ATG5: variants seen among roughly 807,000 people sequenced by gnomAD.
ATG5 encodes the protein autophagy protein 5.
Under a neutral mutation model 36.5 loss-of-function variants are expected in ATG5, and 14 were observed. That is an observed-to-expected ratio of 0.38 (90% CI 0.25 to 0.60). The LOEUF (loss-of-function observed/expected upper bound fraction) is 0.60. ATG5 is among the 20% of genes least tolerant of loss of function. The pLI, the probability that ATG5 is intolerant of heterozygous loss-of-function variation, is 0.60. For missense variants in ATG5, 195 were observed against 326.7 expected, an observed-to-expected ratio of 0.60 and a Z score of 3.11; for synonymous variants, 95 against 101.5, an observed-to-expected ratio of 0.94 and a Z score of 0.38.
At chr6:106,298,252 C>G (rs1770056023) in intron 3 of ATG5, among the ~76,000 whole-genome samples, 1 of 152,130 alleles carries the variant, frequency 6.6e-6, no homozygotes. Context: ...GGCCACTGCA[C>G]CCAGCGCTAG....
At chr6:106,286,728 T>C (rs1261409969) in intron 4 of ATG5, among the ~76,000 whole-genome samples, 2 of 152,206 alleles carry the variant, frequency 1.3e-5, no homozygotes, top group African/African-American at 2.4e-5. Flanking sequence ...CTGAAGCAAG[T>C]AGGCATGTTG....
chr6:106,272,997 G>A (rs1347318915), intron 5 of ATG5, among the ~76,000 whole-genome samples: 1 of 152,196 alleles, frequency 6.6e-6, no homozygotes, highest in African/African-American at 2.4e-5. Flanking sequence ...GACCGATATA[G>A]ATTCATTCTA....
At chr6:106,192,544 TAAGGGAAATTC>T (rs901704049) in intron 7 of ATG5, among the ~76,000 whole-genome samples, 1 of 152,170 alleles carries the variant, frequency 6.6e-6, no homozygotes, top group African/African-American at 2.4e-5. Flanking sequence ...GATGTATCTT[TAAGGGAAATTC>T]ATACATGTTT....
At chr6:106,307,414 T>C (rs1472324946) in intron 3 of ATG5, among the ~76,000 whole-genome samples, 2 of 152,196 alleles carry the variant, frequency 1.3e-5, no homozygotes, top group Admixed American at 6.5e-5. Flanking sequence ...CTCTCTGTAA[T>C]TTCCAGTTTC....
intron 6 of ATG5, among the ~76,000 whole-genome samples, chr6:106,230,072 A>T (rs1777615834): frequency 6.6e-6 from 1 of 152,244 alleles, no homozygotes. Context: ...CCTTCAGGAC[A>T]GGATGATAGA....
At chr6:106,272,478 G>A (rs750482905) in intron 5 of ATG5, among the ~76,000 whole-genome samples, 21 of 152,146 alleles carry the variant, frequency 1.4e-4, no homozygotes, top group Non-Finnish European at 2.9e-4. Context: ...GAACTTAGTA[G>A]GCTCTTTGCT....
intron 6 of ATG5, among the ~76,000 whole-genome samples, chr6:106,228,167 A>G (rs1328898220): frequency 6.6e-6 from 1 of 152,168 alleles, no homozygotes; most frequent in African/African-American, 2.4e-5. Flanking sequence ...CTCCCTTTGT[A>G]TGGGAGCTCT....
At chr6:106,263,368 T>A (rs1483742426) in intron 5 of ATG5, among the ~76,000 whole-genome samples, 1 of 152,084 alleles carries the variant, frequency 6.6e-6, no homozygotes, top group African/African-American at 2.4e-5. Flanking sequence ...AAAACCCCCA[T>A]CTCCCTGGGA....
intron 4 of ATG5, among the ~76,000 whole-genome samples, chr6:106,290,261 T>C (rs1780252768): frequency 8.0e-6 from 1 of 124,338 alleles, no homozygotes; most frequent in Non-Finnish European, 1.9e-5. Context: ...TTTATTTTAT[T>C]TATTTTATTT....
chr6:106,236,141 T>A (rs557083938), intron 6 of ATG5, among the ~76,000 whole-genome samples: 1 of 152,358 alleles, frequency 6.6e-6, no homozygotes, highest in Non-Finnish European at 1.5e-5. Context: ...CAATGTAATG[T>A]TCTGTGACAT....
At chr6:106,295,270 A>G (rs1011459402) in intron 3 of ATG5, among the ~76,000 whole-genome samples, 8 of 152,216 alleles carry the variant, frequency 5.3e-5, no homozygotes, top group African/African-American at 1.9e-4. Flanking sequence ...AGATGAATGT[A>G]GGCACTTAAT....
intron 5 of ATG5, among the ~76,000 whole-genome samples, chr6:106,267,120 A>G (rs1312438687): frequency 6.6e-6 from 1 of 152,220 alleles, no homozygotes. Context: ...AAAACTCCTT[A>G]AGCTGTTAAT....
intron 3 of ATG5, among the ~76,000 whole-genome samples, chr6:106,307,193 CTTCCT>C (rs1770479334): frequency 6.6e-6 from 1 of 152,170 alleles, no homozygotes; most frequent in African/African-American, 2.4e-5. Context: ...ACCTAAGTAG[CTTCCT>C]TTCATCTGTC....
chr6:106,309,742 A>T (rs1770579055), intron 2 of ATG5, among the ~76,000 whole-genome samples: 1 of 151,704 alleles, frequency 6.6e-6, no homozygotes, highest in African/African-American at 2.4e-5. Flanking sequence ...CAGATGTGAC[A>T]TTAAAGTCTC....
chr6:106,233,981 T>C (rs1218901456), intron 6 of ATG5, among the ~76,000 whole-genome samples: 1 of 152,082 alleles, frequency 6.6e-6, no homozygotes, highest in African/African-American at 2.4e-5. Flanking sequence ...GCCCCACAAC[T>C]GCTATAACTC....
intron 6 of ATG5, among the ~76,000 whole-genome samples, chr6:106,212,912 A>C (rs1427485280): frequency 1.3e-5 from 2 of 152,352 alleles, no homozygotes; most frequent in East Asian, 3.9e-4. Flanking sequence ...AGTAGCTGCT[A>C]GTTGAGTAAT....
chr6:106,186,788 G>A lies in ATG5; in HGVS notation c.692-112C>T, dbSNP rs1032001446. 3.5e-5 allele frequency: 45 copies of A among 1,268,518 alleles called. No individual in the cohort carries two copies. The Admixed American group carries it at 9.5e-4, about 27-fold the overall frequency. 78.6% of individuals were successfully genotyped at this position (1,268,518 alleles called of 1,614,324 possible). A position where few individuals can be genotyped will look rare whatever the true frequency, so the allele number is the denominator to read the frequency against. On this transcript the variant is annotated intron_variant, in intron 7 of 7. Transcript: ENST00000369076. ...ATTAAATGGATTTTAAACATGTTTT[G>A]TCCCCTGAACAGGAAATGTGGACAT...
chr6:106,313,411 A>G (rs988502446), intron 2 of ATG5, among the ~76,000 whole-genome samples: 7 of 152,218 alleles, frequency 4.6e-5, no homozygotes, highest in African/African-American at 1.7e-4. Flanking sequence ...ATCGCTGCCT[A>G]ATGTTAAGGG....
intron 1 of ATG5, among the ~76,000 whole-genome samples, chr6:106,322,369 T>A (rs564769241): frequency 3.3e-5 from 5 of 152,186 alleles, no homozygotes. Context: ...CCTAGAAATA[T>A]CAAATACTTA....
Sources: allele counts gnomAD v4.1 joint callset (sites outside exome capture counted in the v4.1 genomes callset), GRCh38; gene constraint gnomAD v4.1.1; transcripts MANE v1.5; gene names NCBI Gene and HGNC (gene_info 2026-07-23, HGNC 2026-07-21).